Variants in TMC5 observed in about 807,000 individuals in gnomAD.
The protein encoded by TMC5 is transmembrane channel-like protein 5.
TMC5 carries 86 observed loss-of-function variants against 110.5 expected under a neutral mutation model. The observed-to-expected ratio is 0.78, with a 90% CI of 0.65 to 0.93. TMC5 has a LOEUF of 0.93. Among genes scored for constraint, TMC5 ranks in the 40% least tolerant of loss-of-function variants. TMC5 has a pLI of 0.00. For missense variants in TMC5, 1,144 were observed against 1,222.8 expected (o/e 0.94, Z 0.96); for synonymous variants, 455 against 439.5 (o/e 1.04, Z -0.44).
chr16:19,469,729 C>G lies in TMC5; in HGVS notation c.1686C>G (p.Ser562=), dbSNP rs1567316980. The G allele has an allele frequency of 6.2e-7, 1 of 1,614,014 alleles. No individual in the cohort carries two copies. Among genetic ancestry groups the G allele is most frequent in the Non-Finnish European group, 8.5e-7 (1 of 1,180,014 alleles). The change falls in exon 10 of 22, where the codon TCC becomes TCG. Residue 562 remains serine (S), a synonymous_variant. Transcript: ENST00000542583. The part of the protein sequence containing the change: ...RNNFINPHIY[S]GGITKLIFCW... ...ACTTCATTAATCCCCACATTTACTC[C>G]GGAGGGATCACCAAGCTGATCTTTT...
intron 16 of TMC5, 44 bp downstream of exon 16, chr16:19,487,064 C>G (rs1968761683): frequency 1.2e-6 from 2 of 1,611,374 alleles, no homozygotes; most frequent in Admixed American, 3.3e-5. Context: ...TGTTCAGTCA[C>G]CTGTGACCTG....
At chr16:19,411,483 A>C (rs2285046) in intron 1 of TMC5, 89,323 of 151,944 alleles carry the variant, frequency 0.59, 26,629 homozygotes, top group South Asian at 0.72. Context: ...AAGTAACTTG[A>C]CCACAGCAAT....
chr16:19,474,362 CAA>C, intron 12 of TMC5, 86 bp downstream of exon 12: 1 of 1,458,828 alleles, frequency 6.9e-7, no homozygotes, highest in Non-Finnish European at 9.3e-7. Context: ...GCTTTAGTAT[CAA>C]AGTTTTTTCT....
In TMC5 at chr16:19,440,355, C is replaced by G. The variant is rs1967456575; in HGVS notation, c.317C>G (p.Pro106Arg). The change falls in exon 3 of 22, where the codon CCA (proline) becomes CGA (arginine). Residue 106 changes from proline to arginine, a missense_variant. Coordinates refer to ENST00000542583, the MANE Select transcript of TMC5 (RefSeq NM_001261841.2). ...AGCCCAGACCATCCTACCTCTCTAC[C>G]AGAGCCAGATTATAGTGAATTTCAG... ...RTSPDHPTSL[P>R]EPDYSEFQSH... is the part of the protein sequence containing the mutation. 4 of 1,614,098 alleles carry G rather than the reference C, an allele frequency of 2.5e-6. No homozygotes were observed. Among genetic ancestry groups the G allele is most frequent in the Non-Finnish European group, 3.4e-6 (4 of 1,180,024 alleles).
chr16:19,462,543 G>A (rs568688209), intron 6 of TMC5: 12 of 702,104 alleles, frequency 1.7e-5, no homozygotes, highest in South Asian at 1.5e-4. Context: ...CGAAGGAAGA[G>A]CAAAGGCACA....
At chr16:19,492,915 G>GATAGATAGATAGATAT (rs58561457) in intron 19 of TMC5, among the ~76,000 whole-genome samples, 10 of 42,790 alleles carry the variant, frequency 2.3e-4, no homozygotes, top group African/African-American at 4.3e-4. Context: ...TTAAAACTTA[G>GATAGATAGATAGATAT]ATATATATAT....
At chr16:19,432,731 A>T (rs1021900950) in intron 2 of TMC5, among the ~76,000 whole-genome samples, 1 of 152,220 alleles carries the variant, frequency 6.6e-6, no homozygotes, top group Non-Finnish European at 1.5e-5. Flanking sequence ...TGCAATACAC[A>T]AGCTCTTGTC....
intron 2 of TMC5, among the ~76,000 whole-genome samples, chr16:19,435,035 G>A (rs565619460): frequency 2.0e-5 from 3 of 152,122 alleles, no homozygotes; most frequent in South Asian, 4.1e-4. Flanking sequence ...TCTTCACGTA[G>A]GTTTTGTTTT....
At chr16:19,469,632 A>C in intron 9 of TMC5, 49 bp from the exon 10 acceptor site, 20 of 1,609,518 alleles carry the variant, frequency 1.2e-5, no homozygotes, top group Non-Finnish European at 1.7e-5. Context: ...CTGCACTCCC[A>C]GTGACGGCCA....
At chr16:19,455,225 A>C (rs1967838085) in intron 5 of TMC5, among the ~76,000 whole-genome samples, 1 of 152,102 alleles carries the variant, frequency 6.6e-6, no homozygotes, top group South Asian at 2.1e-4. Context: ...AGGCAGGCGA[A>C]TCACTTGAGG....
At chr16:19,431,352 C>T (rs1967192631) in intron 2 of TMC5, among the ~76,000 whole-genome samples, 2 of 151,966 alleles carry the variant, frequency 1.3e-5, no homozygotes, top group Non-Finnish European at 2.9e-5. Context: ...AGCAGCCTGG[C>T]CAACATACTG....
intron 19 of TMC5, 66 bp downstream of exon 19, chr16:19,492,294 CA>C: frequency 8.7e-7 from 1 of 1,153,836 alleles, no homozygotes; most frequent in African/African-American, 1.5e-5. Context: ...AAACATCCTC[CA>C]AAATAAAGAG....
At chr16:19,490,753 TC>T (rs1968871319) in intron 18 of TMC5, among the ~76,000 whole-genome samples, 185 bp downstream of exon 18, 2 of 60,078 alleles carry the variant, frequency 3.3e-5, no homozygotes, top group African/African-American at 7.3e-5. Flanking sequence ...CTTCCTTCCT[TC>T]CTTCCTTCCC....
chr16:19,422,125 G>A (rs1966997210), intron 1 of TMC5, among the ~76,000 whole-genome samples: 1 of 152,090 alleles, frequency 6.6e-6, no homozygotes, highest in Non-Finnish European at 1.5e-5. Context: ...CAACTGCTCA[G>A]GAGGCTGAGG....
chr16:19,449,623 C>T lies in TMC5; in HGVS notation c.1040C>T (p.Ser347Leu). ...PPLSECDWHK[S>L]PQGQKLIASL... ...TTGTCTGAATGTGATTGGCACAAGT[C>T]ACCCCAAGGTAAGTGATATGGTTTG... The change falls in exon 5 of 22, where the codon TCA (serine) becomes TTA (leucine). Residue 347 changes from serine to leucine, a missense_variant. Physicochemically the swap from Ser to Leu is moderately radical, Grantham distance 145 (BLOSUM62 -2). Transcript: ENST00000542583. 6.2e-7 allele frequency: 1 copy of T among 1,614,076 alleles called. No individual in the cohort carries two copies. Among genetic ancestry groups the T allele is most frequent in the South Asian group, 1.1e-5 (1 of 91,076 alleles).
chr16:19,487,011 C>T lies in TMC5; in HGVS notation c.2430C>T (p.Tyr810=), dbSNP rs1968760275. ...TGATTATGCTTTTCATCATGTTCTACTCCAAAAATGTGAGTCAGTCCGACA... is the reference window on the plus strand; with the variant it reads ...TGATTATGCTTTTCATCATGTTCTATTCCAAAAATGTGAGTCAGTCCGACA... ...IQMIMLFIMF[Y]SKNISLMMNF... is the part of the protein sequence containing the mutation. The change falls in exon 16 of 22, where the codon TAC becomes TAT. Residue 810 remains tyrosine (Y), a synonymous_variant. Transcript: ENST00000542583. 1.2e-6 allele frequency: 2 copies of T among 1,613,948 alleles called. No homozygotes were observed. Among genetic ancestry groups the T allele is most frequent in the African/African-American group, 1.3e-5 (1 of 74,926 alleles).
chr16:19,419,402 G>GTTTTTTTTTTTTTTT lies in TMC5; in HGVS notation c.-308+1324_-308+1338dup, dbSNP rs55696911. 6.1e-5 allele frequency among the ~76,000 whole-genome samples: 4 copies of GTTTTTTTTTTTTTTT among 65,650 alleles called. 1 individual carries two copies. Among genetic ancestry groups the GTTTTTTTTTTTTTTT allele is most frequent in the Non-Finnish European group, 8.3e-5 (3 of 36,052 alleles). 43.1% of individuals were successfully genotyped at this position (65,650 alleles called of 152,430 possible). ...AAGCTCAGTGGAAATGAATGTGTTG[G>GTTTTTTTTTTTTTTT]TTTTTTTTTTTTTTTTTTTTTTTTT... is the stretch of plus-strand genomic sequence containing the variant. On this transcript the variant is annotated intron_variant, in intron 1 of 21. Transcript: ENST00000542583.
chr16:19,435,584 T>TACAC (rs143806601), intron 2 of TMC5, among the ~76,000 whole-genome samples: 8 of 102,594 alleles, frequency 7.8e-5, no homozygotes, highest in African/African-American at 2.9e-4. Context: ...GATTTTTACA[T>TACAC]ACACACACAC....
At chr16:19,485,517 C>T (rs571257179) in intron 15 of TMC5, among the ~76,000 whole-genome samples, 3 of 151,988 alleles carry the variant, frequency 2.0e-5, no homozygotes, top group African/African-American at 4.8e-5. Flanking sequence ...AGGCTGGTTT[C>T]GAACTCCTAA....
Sources: allele counts gnomAD v4.1 joint callset (sites outside exome capture counted in the v4.1 genomes callset), GRCh38; gene constraint gnomAD v4.1.1; transcripts MANE v1.5; gene names NCBI Gene and HGNC (gene_info 2026-07-23, HGNC 2026-07-21).